The following KCNIP1 variants were observed in gnomAD, a reference collection of about 807,000 sequenced individuals.
The protein encoded by KCNIP1 is A-type potassium channel modulatory protein KCNIP1.
In KCNIP1, 18 loss-of-function variants were observed where a neutral mutation model predicts 33.0. The ratio of observed to expected loss-of-function variants is 0.55; its 90% confidence interval spans 0.38 to 0.81. The LOEUF is 0.81. Ranked by LOEUF, KCNIP1 falls within the 30% of genes least tolerant of loss-of-function variation. KCNIP1 has a pLI of 0.00. For missense variants in KCNIP1, 238 were observed against 271.6 expected, an observed-to-expected ratio of 0.88 and a Z score of 0.87; for synonymous variants, 93 against 98.3, an observed-to-expected ratio of 0.95 and a Z score of 0.32.
intron 1 of KCNIP1, among the ~76,000 whole-genome samples, chr5:170,452,007 C>T (rs187095121): frequency 9.8e-4 from 149 of 152,206 alleles, no homozygotes; most frequent in African/African-American, 3.4e-3. Context: ...TAAGGCCATC[C>T]TCATAAGTCC....
At chr5:170,580,062 G>C (rs1757736421) in intron 1 of KCNIP1, among the ~76,000 whole-genome samples, 1 of 151,976 alleles carries the variant, frequency 6.6e-6, no homozygotes, top group African/African-American at 2.4e-5. Flanking sequence ...TTCTAAATTT[G>C]ATTTTCTGAG....
At chr5:170,589,472 G>A (rs1385592633) in intron 1 of KCNIP1, among the ~76,000 whole-genome samples, 2 of 152,192 alleles carry the variant, frequency 1.3e-5, no homozygotes, top group Non-Finnish European at 2.9e-5. Context: ...GATGCCAGGA[G>A]TACAGCAGGG....
intron 1 of KCNIP1, among the ~76,000 whole-genome samples, chr5:170,451,697 G>A (rs1021725122): frequency 3.4e-5 from 5 of 148,954 alleles, no homozygotes; most frequent in African/African-American, 5.0e-5. Flanking sequence ...TATGTTTTCC[G>A]GACAGTTGCT....
intron 1 of KCNIP1, among the ~76,000 whole-genome samples, chr5:170,596,361 T>A (rs911641433): frequency 6.6e-6 from 1 of 152,220 alleles, no homozygotes; most frequent in Non-Finnish European, 1.5e-5. Context: ...CAGCTGCCTC[T>A]TGGACCAGGA....
chr5:170,648,208 A>T (rs1760870793), intron 1 of KCNIP1, among the ~76,000 whole-genome samples: 1 of 152,232 alleles, frequency 6.6e-6, no homozygotes, highest in Admixed American at 6.5e-5. Context: ...GCTGCTTTGG[A>T]AGACAGTTTG....
chr5:170,362,850 C>CTTA (rs1763550161), intron 1 of KCNIP1, among the ~76,000 whole-genome samples: 1 of 152,166 alleles, frequency 6.6e-6, no homozygotes, highest in South Asian at 2.1e-4. Flanking sequence ...TGGGCCGAGC[C>CTTA]CAGGCTTACT....
intron 1 of KCNIP1, among the ~76,000 whole-genome samples, chr5:170,665,818 T>C (rs1054419959): frequency 6.6e-6 from 1 of 152,222 alleles, no homozygotes; most frequent in Non-Finnish European, 1.5e-5. Flanking sequence ...GACTGTAGAA[T>C]GTCCCTCAAC....
At chr5:170,574,269 G>A (rs905312431) in intron 1 of KCNIP1, among the ~76,000 whole-genome samples, 1 of 152,188 alleles carries the variant, frequency 6.6e-6, no homozygotes, top group Admixed American at 6.5e-5. Flanking sequence ...AGTTCCTTGG[G>A]CATATTTCTG....
intron 1 of KCNIP1, among the ~76,000 whole-genome samples, chr5:170,397,141 G>C (rs936249697): frequency 2.0e-5 from 3 of 152,132 alleles, no homozygotes; most frequent in African/African-American, 7.2e-5. Flanking sequence ...TTATTAAGAG[G>C]CATGTCCAAC....
chr5:170,722,653 C>G, intron 4 of KCNIP1, 60 bp from the exon 5 acceptor site: 1 of 1,172,830 alleles, frequency 8.5e-7, no homozygotes. Context: ...CCCAAAGACA[C>G]AGCTTCACAC....
At chr5:170,586,368 G>A (rs1757989841) in intron 1 of KCNIP1, among the ~76,000 whole-genome samples, 1 of 152,222 alleles carries the variant, frequency 6.6e-6, no homozygotes, top group Admixed American at 6.5e-5. Flanking sequence ...CGATGATGAT[G>A]AAGATGCTGA....
chr5:170,635,958 C>G (rs1001701093), intron 1 of KCNIP1, among the ~76,000 whole-genome samples: 1 of 152,208 alleles, frequency 6.6e-6, no homozygotes. Flanking sequence ...TTTTGAAGGT[C>G]AAGCCAACAG....
At chr5:170,432,554 G>T (rs1265250988) in intron 1 of KCNIP1, among the ~76,000 whole-genome samples, 1 of 152,214 alleles carries the variant, frequency 6.6e-6, no homozygotes, top group East Asian at 1.9e-4. Flanking sequence ...AATCAGAGAA[G>T]TTCAGATGGG....
chr5:170,710,013 G>A (rs568221439), intron 1 of KCNIP1, among the ~76,000 whole-genome samples: 15 of 152,110 alleles, frequency 9.9e-5, no homozygotes, highest in Middle Eastern at 6.8e-3. Flanking sequence ...GACTACAGGC[G>A]CGCACCACCA....
At chr5:170,687,663 C>T (rs1441533228) in intron 1 of KCNIP1, among the ~76,000 whole-genome samples, 2 of 152,198 alleles carry the variant, frequency 1.3e-5, no homozygotes, top group East Asian at 3.9e-4. Flanking sequence ...TTAGGGGAGG[C>T]ATTGCTATGT....
intron 1 of KCNIP1, among the ~76,000 whole-genome samples, chr5:170,431,341 C>T (rs78986416): frequency 0.01 from 1,589 of 152,282 alleles, 30 homozygotes; most frequent in African/African-American, 0.035. Context: ...TCCATTCATT[C>T]GTCTTCTTAA....
intron 1 of KCNIP1, among the ~76,000 whole-genome samples, chr5:170,464,818 C>A (rs1756576679): frequency 6.6e-6 from 1 of 152,206 alleles, no homozygotes; most frequent in Admixed American, 6.5e-5. Context: ...CAAAGCCTGG[C>A]TTAGGGACCT....
intron 1 of KCNIP1, among the ~76,000 whole-genome samples, chr5:170,427,821 T>G (rs1755647362): frequency 6.6e-6 from 1 of 152,168 alleles, no homozygotes; most frequent in Non-Finnish European, 1.5e-5. Context: ...CAGAGACAAC[T>G]CTTCCCATCA....
chr5:170,677,941 C>T (rs1762206430), intron 1 of KCNIP1, among the ~76,000 whole-genome samples: 1 of 152,152 alleles, frequency 6.6e-6, no homozygotes, highest in Non-Finnish European at 1.5e-5. Context: ...AGAGAAATAT[C>T]AGAATCTATG....
Sources: gnomAD v4.1 joint callset for allele counts (sites outside exome capture counted in the v4.1 genomes callset) on GRCh38, gnomAD v4.1.1 for gene constraint, MANE v1.5 for transcripts, NCBI Gene and HGNC (gene_info 2026-07-23, HGNC 2026-07-21) for gene names.